Variants in CELSR1 observed in about 807,000 individuals in gnomAD.
CELSR1 encodes the protein cadherin EGF LAG seven-pass G-type receptor 1.
A neutral mutation model predicts 249.1 loss-of-function variants in CELSR1; 110 were observed. The ratio of observed to expected loss-of-function variants is 0.44; its 90% CI spans 0.38 to 0.52. The LOEUF is 0.52. Ranked by LOEUF, CELSR1 falls within the 20% of genes least tolerant of loss-of-function variation. The pLI, the probability that CELSR1 is intolerant of heterozygous loss-of-function variation, is 0.00. For synonymous variants in CELSR1, 2,113 were observed against 1,900.0 expected (o/e 1.11, Z -2.92); for missense variants, 4,109 against 4,296.4 (o/e 0.96, Z 1.22).
chr22:46,389,533 C>T (rs546380096), intron 17 of CELSR1, 34 bp from the exon 18 acceptor site: 2 of 1,603,578 alleles, frequency 1.2e-6, no homozygotes, highest in East Asian at 2.2e-5. Flanking sequence ...TGTGTGCAAA[C>T]CCACTTCGGC....
At chr22:46,459,328 A>G in intron 2 of CELSR1, among the ~76,000 whole-genome samples, 1 of 152,178 alleles carries the variant, frequency 6.6e-6, no homozygotes, top group East Asian at 1.9e-4. Flanking sequence ...GGGAAGGAAC[A>G]GCGGCCTCCC....
chr22:46,462,587 AAG>A (rs1159025338), intron 2 of CELSR1, among the ~76,000 whole-genome samples: 1 of 151,954 alleles, frequency 6.6e-6, no homozygotes, highest in African/African-American at 2.4e-5. Flanking sequence ...CAGTCGATGG[AAG>A]AGTCTCAAAG....
At chr22:46,375,073 CTT>C (rs1174064617) in intron 24 of CELSR1, among the ~76,000 whole-genome samples, 1 of 152,188 alleles carries the variant, frequency 6.6e-6, no homozygotes, top group African/African-American at 2.4e-5. Flanking sequence ...TGCCTTCCCT[CTT>C]GAGGTAAGAG....
intron 1 of CELSR1, among the ~76,000 whole-genome samples, chr22:46,479,622 G>C (rs951447585): frequency 7.4e-6 from 1 of 135,008 alleles, no homozygotes; most frequent in Non-Finnish European, 1.6e-5. Context: ...TTTTGGGGGG[G>C]GGCCGGGGGT....
chr22:46,438,028 G>A (rs2079685507), intron 3 of CELSR1, among the ~76,000 whole-genome samples: 1 of 152,242 alleles, frequency 6.6e-6, no homozygotes, highest in East Asian at 1.9e-4. Context: ...GCTGGTGGGC[G>A]GTGTCAGTGT....
Position 46,471,870 on chromosome 22 carries a change from T to C in CELSR1, c.3545-7525A>G, listed in dbSNP as rs182814517. On this transcript the variant is annotated intron_variant, in intron 1 of 34. Transcript: ENST00000674500. This position sits in a 1 kb window ranked among gnomAD's most constrained non-coding sequence, Gnocchi z 4.9. ...CAGCCTTCCCTGGGTCTGGGACCTG[T>C]ACAGTTTTCAGGGGCTGCGGTCTGT... is the stretch of plus-strand genomic sequence containing the variant. Among the ~76,000 whole-genome samples the C allele has an allele frequency of 6.3e-4, 96 of 152,310 alleles. 1 individual carries two copies. The East Asian group carries it at 0.012, about 19-fold the overall frequency.
intron 2 of CELSR1, among the ~76,000 whole-genome samples, chr22:46,442,213 C>A (rs559976891): frequency 2.6e-5 from 4 of 152,244 alleles, no homozygotes; most frequent in African/African-American, 7.2e-5. Flanking sequence ...GTATACCCCC[C>A]ACCCTTCCCC....
rs892143580 is a variant in CELSR1 at position 46,448,245 on chromosome 22, AG to A, written c.4184-8835del. 2.0e-5 allele frequency among the ~76,000 whole-genome samples: 3 copies of A among 152,072 alleles called. No homozygotes were observed. Among genetic ancestry groups the A allele is most frequent in the Non-Finnish European group, 4.4e-5 (3 of 68,002 alleles). On this transcript the variant is annotated intron_variant, in intron 2 of 34. Transcript: ENST00000674500. The surrounding 1 kb of genome is among the most constrained non-coding windows in gnomAD (Gnocchi z 5.7). ...CACATCATTACATGGAGACTCTGGCAGGGGGCTGGACACAAGCCCAGGGAAG... is the reference window on the plus strand; with the variant it reads ...CACATCATTACATGGAGACTCTGGCAGGGGCTGGACACAAGCCCAGGGAAG...
chr22:46,534,533 T>A lies in CELSR1; in HGVS notation c.2638A>T (p.Ile880Phe), dbSNP rs746760412. ...TTGTCATTGGCATCGAGGATGAGGATCTCTAGGGTGGTGGTGTCTGATTTC... is the reference window on the plus strand; with the variant it reads ...TTGTCATTGGCATCGAGGATGAGGAACTCTAGGGTGGTGGTGTCTGATTTC... ...PQKSDTTTLE[I>F]LILDANDNAP... The change falls in exon 1 of 35, where the codon ATC becomes TTC. Residue 880 changes from isoleucine to phenylalanine, a missense_variant. Physicochemically the swap from Ile to Phe is conservative, Grantham distance 21. This residue lies in a region of CELSR1 where 886 missense variants were observed against 896.5 expected (regional missense o/e 0.99). Transcript: ENST00000674500. The surrounding 1 kb of genome is among the most constrained non-coding windows in gnomAD (Gnocchi z 9.7). 2 of 1,613,486 alleles carry A rather than the reference T, an allele frequency of 1.2e-6. No homozygotes were observed. The highest frequency in any genetic ancestry group is 1.7e-6 in the Non-Finnish European group (2 of 1,180,012).
chr22:46,386,490 G>C lies in CELSR1; in HGVS notation c.6651C>G (p.Leu2217=). 1.9e-6 allele frequency: 3 copies of C among 1,600,036 alleles called. No individual in the cohort carries two copies. Among genetic ancestry groups the C allele is most frequent in the Non-Finnish European group, 2.6e-6 (3 of 1,174,014 alleles). ...TGCTGAAGTAGCCCTCGAGGCGCCG[G>C]AGCAGCTGTGCCGTGCCGCCCTCGC... ...QRSEGGTAQL[L]RRLEGYFSNV... is the part of the protein sequence containing the mutation. Residue 2217 remains leucine (L), a synonymous_variant, in exon 19 of 35, where the codon CTC becomes CTG. Transcript: ENST00000674500.
chr22:46,486,276 C>T (rs576556694), intron 1 of CELSR1, among the ~76,000 whole-genome samples: 296 of 151,498 alleles, frequency 2.0e-3, no homozygotes, highest in African/African-American at 6.4e-3. Flanking sequence ...AGGCCGGGCA[C>T]GCTGGCTCAC....
rs558492247 is a variant in CELSR1 at position 46,468,174 on chromosome 22, T to C, written c.3545-3829A>G. 4.6e-5 allele frequency among the ~76,000 whole-genome samples: 7 copies of C among 151,538 alleles called. No individual in the cohort carries two copies. Among genetic ancestry groups the C allele is most frequent in the Non-Finnish European group, 1.0e-4 (7 of 67,888 alleles). ...AGGCCGAGGTGGGTGGATCACGACG[T>C]CAGGAGTTCAAGACCAGCCTGGGCG... On this transcript the variant is annotated intron_variant, in intron 1 of 34. Coordinates refer to ENST00000674500, the MANE Select transcript of CELSR1 (RefSeq NM_001378328.1). This position sits in a 1 kb window ranked among gnomAD's most constrained non-coding sequence, Gnocchi z 4.5.
rs950628190 is a variant in CELSR1 at position 46,413,737 on chromosome 22, G to C, written c.4612-1978C>G. On this transcript the variant is annotated intron_variant, in intron 5 of 34. Coordinates refer to ENST00000674500, the MANE Select transcript of CELSR1 (RefSeq NM_001378328.1). This position sits in a 1 kb window ranked among gnomAD's most constrained non-coding sequence, Gnocchi z 4.7. ...TTGGTTAAGCAACAGGTAGGCGAGT[G>C]CATTAAAAATCATCTGTTTTCTCGC... is the stretch of plus-strand genomic sequence containing the variant. 3.3e-5 allele frequency among the ~76,000 whole-genome samples: 5 copies of C among 152,212 alleles called. No individual in the cohort carries two copies. Among genetic ancestry groups the C allele is most frequent in the African/African-American group, 1.2e-4 (5 of 41,460 alleles).
chr22:46,390,567 TA>T lies in CELSR1; in HGVS notation c.6251-82del. Reference sequence around the variant, plus strand: ...TGTGTATTTCAATCCACAATCTGAATATACTTAAACCCAGAACACTGCGTGG... The same window carrying T: ...TGTGTATTTCAATCCACAATCTGAATTACTTAAACCCAGAACACTGCGTGG... On this transcript the variant is annotated intron_variant, in intron 16 of 34. Transcript: ENST00000674500. This position sits in a 1 kb window ranked among gnomAD's most constrained non-coding sequence, Gnocchi z 6.3. 8.5e-7 allele frequency: 1 copy of T among 1,178,050 alleles called. No homozygotes were observed. Among genetic ancestry groups the T allele is most frequent in the East Asian group, 2.5e-5 (1 of 40,140 alleles). The allele number at this position is 1,178,050 out of a possible 1,614,324, so 73.0% of individuals were successfully genotyped here. A position where few individuals can be genotyped will look rare whatever the true frequency, so the allele number is the denominator to read the frequency against.
chr22:46,442,578 A>G (rs1602142540), intron 2 of CELSR1, among the ~76,000 whole-genome samples: 1 of 152,264 alleles, frequency 6.6e-6, no homozygotes, highest in Non-Finnish European at 1.5e-5. Flanking sequence ...AGGGAGGCCA[A>G]CCTCAGCCAC....
rs1458603382 is a variant in CELSR1, at chr22:46,434,904, T to G, written c.4522+1270A>C. ...CCCAGCTACTGGAGAGGCTGAGGCA[T>G]GAGAATCGCTTGAACCTGGGAGGTG... is the stretch of plus-strand genomic sequence containing the variant. On this transcript the variant is annotated intron_variant, in intron 4 of 34. Coordinates refer to ENST00000674500, the MANE Select transcript of CELSR1 (RefSeq NM_001378328.1). This position sits in a 1 kb window ranked among gnomAD's most constrained non-coding sequence, Gnocchi z 4.9. Among the ~76,000 whole-genome samples, 5 of 151,696 alleles carry G rather than the reference T, an allele frequency of 3.3e-5. No homozygotes were observed. Among genetic ancestry groups the G allele is most frequent in the Non-Finnish European group, 5.9e-5 (4 of 67,914 alleles).
At position 46,412,065 on chromosome 22, in the gene CELSR1, C is replaced by G. The variant is rs1269892678; in HGVS notation, c.4612-306G>C. Among the ~76,000 whole-genome samples the G allele has an allele frequency of 6.6e-6, 1 of 152,146 alleles. No homozygotes were observed. The highest frequency in any genetic ancestry group is 1.5e-5 in the Non-Finnish European group (1 of 68,012). On this transcript the variant is annotated intron_variant, in intron 5 of 34. Coordinates refer to ENST00000674500, the MANE Select transcript of CELSR1 (RefSeq NM_001378328.1). This position sits in a 1 kb window ranked among gnomAD's most constrained non-coding sequence, Gnocchi z 4.5. ...GCCCTGATCCAAGATGACTGGTGTC[C>G]TCTTAAGAGGACAGATGCTGAGATG... is the stretch of plus-strand genomic sequence containing the variant.
intron 1 of CELSR1, among the ~76,000 whole-genome samples, chr22:46,495,825 A>T (rs930851171): frequency 1.6e-4 from 24 of 151,930 alleles, no homozygotes; most frequent in Admixed American, 1.3e-4. Context: ...CAAAAAATAT[A>T]TTTTTTTTTC....
In CELSR1 at chr22:46,381,492, G is replaced by A. The variant is rs1007899073; in HGVS notation, c.7088+354C>T. 9.2e-5 allele frequency among the ~76,000 whole-genome samples: 14 copies of A among 152,140 alleles called. No homozygotes were observed. The highest frequency in any genetic ancestry group is 4.8e-5 in the African/African-American group (2 of 41,416). On this transcript the variant is annotated intron_variant, in intron 21 of 34. Transcript: ENST00000674500. The surrounding 1 kb of genome is among the most constrained non-coding windows in gnomAD (Gnocchi z 6.0). ...GGACTAGCTGAGCAGACCTAACCCCGGGGCCAGCAGCAGGCACTACCCATG... is the reference window on the plus strand; with the variant it reads ...GGACTAGCTGAGCAGACCTAACCCCAGGGCCAGCAGCAGGCACTACCCATG...
Sources: allele counts gnomAD v4.1 joint callset (sites outside exome capture counted in the v4.1 genomes callset), GRCh38; gene constraint gnomAD v4.1.1; regional missense constraint gnomAD v4.1.1; non-coding constraint Gnocchi (gnomAD v3.1); transcripts MANE v1.5; gene names NCBI Gene and HGNC (gene_info 2026-07-23, HGNC 2026-07-21).